RADIL: variants seen among roughly 807,000 people sequenced by gnomAD.
The protein encoded by RADIL is ras-associating and dilute domain-containing protein.
A neutral mutation model predicts 97.6 loss-of-function variants in RADIL; 99 were observed. That is an observed-to-expected ratio of 1.01 (90% CI 0.86 to 1.20). The LOEUF (loss-of-function observed/expected upper bound fraction) is 1.20. Ranked by LOEUF, RADIL falls within the 50% of genes most tolerant of loss-of-function variation. The pLI is 0.00. For synonymous variants in RADIL, 803 were observed against 691.8 expected (o/e 1.16, Z -2.52); for missense variants, 1,765 against 1,498.9 (o/e 1.18, Z -2.93).
rs1367883310 is a variant in RADIL, at chr7:4,805,725, CAAG to C, written c.2140-12_2140-10del. 10 of 1,602,610 alleles carry C rather than the reference CAAG, an allele frequency of 6.2e-6. No homozygotes were observed. The Admixed American group carries it at 8.4e-5, about 13-fold the overall frequency. ...AGGGCTGTCCAGCTCATCTGGGTGA[CAAG>C]AAGGAGCTCATGGTCACAGGTCTCT... On this transcript the variant is annotated splice_polypyrimidine_tract_variant and intron_variant, in intron 9 of 14. Transcript: ENST00000399583.
chr7:4,799,269 C>T lies in RADIL; in HGVS notation c.*109G>A, dbSNP rs1781995028. The T allele has an allele frequency of 1.9e-6, 2 of 1,051,184 alleles. No individual in the cohort carries two copies. The highest frequency in any genetic ancestry group is 4.1e-5 in the Admixed American group (2 of 48,526). The allele number at this position is 1,051,184 out of a possible 1,614,324, so 65.1% of individuals were successfully genotyped here. ...CATGTCCCCAGGGTGAGGCTCCCCA[C>T]CCGGGACCCAACTTGGTCAGTTACA... On this transcript the variant is annotated 3_prime_UTR_variant, in exon 15 of 15. Transcript: ENST00000399583.
At chr7:4,861,851 G>GCGACCTTCACGTCCCCCACCACCT in intron 2 of RADIL, 5 of 1,352,476 alleles carry the variant, frequency 3.7e-6, no homozygotes, top group Non-Finnish European at 3.9e-6. Flanking sequence ...CCCCACCACC[G>GCGACCTTCACGTCCCCCACCACCT]CGACCTTCGC....
At chr7:4,860,259 C>A (rs755216199) in intron 2 of RADIL, 5 of 1,613,982 alleles carry the variant, frequency 3.1e-6, no homozygotes, top group Non-Finnish European at 4.2e-6. Flanking sequence ...TCGTTCAAAT[C>A]TGTCAATCTT....
rs1191794426 is a variant in RADIL at position 4,798,944 on chromosome 7, G to A, written c.*434C>T. The A allele has an allele frequency of 2.6e-5, 5 of 189,548 alleles. No homozygotes were observed. Among genetic ancestry groups the A allele is most frequent in the Admixed American group, 5.5e-5 (1 of 18,318 alleles). 11.7% of individuals were successfully genotyped at this position (189,548 alleles called of 1,614,324 possible). A position where few individuals can be genotyped will look rare whatever the true frequency, so the allele number is the denominator to read the frequency against. On this transcript the variant is annotated 3_prime_UTR_variant, in exon 15 of 15. Coordinates refer to ENST00000399583, the MANE Select transcript of RADIL (RefSeq NM_018059.5). ...GCTTCCTGCAGTGCCCTGTGTCTGG[G>A]TGGGACGGGGGCAGGGAGAGTCAGT...
Position 4,831,199 on chromosome 7 carries a change from G to GAA in RADIL, c.1454+940_1454+941dup, listed in dbSNP as rs1554262870. ...AGAGCGAAACCCCATCTCAAAAAAA[G>GAA]AAAAAAAAAAAAAAGCACGAGATCA... On this transcript the variant is annotated intron_variant, in intron 5 of 14. Transcript: ENST00000399583. Among the ~76,000 whole-genome samples the GAA allele has an allele frequency of 5.9e-4, 70 of 119,482 alleles. No homozygotes were observed. The East Asian group carries it at 8.6e-3, about 15-fold the overall frequency. 78.4% of individuals were successfully genotyped at this position (119,482 alleles called of 152,430 possible).
At chr7:4,862,042 G>C in intron 2 of RADIL, 1 of 394,354 alleles carries the variant, frequency 2.5e-6, no homozygotes, top group South Asian at 1.4e-4. Flanking sequence ...CCGTACACGC[G>C]CGGGCGCCTG....
Position 4,817,701 on chromosome 7 carries a change from C to G in RADIL, c.1616-350G>C, listed in dbSNP as rs576901041. ...CCAACATAGCAGGTCCTAACTGCCTCCCCACAGGTCACCTCTCACTCGCGA... is the reference window on the plus strand; with the variant it reads ...CCAACATAGCAGGTCCTAACTGCCTGCCCACAGGTCACCTCTCACTCGCGA... On this transcript the variant is annotated intron_variant, in intron 6 of 14. Transcript: ENST00000399583. The surrounding 1 kb of genome is among the most constrained non-coding windows in gnomAD (Gnocchi z 8.3). Among the ~76,000 whole-genome samples the G allele has an allele frequency of 2.6e-5, 4 of 152,324 alleles. No homozygotes were observed. In the East Asian group the frequency reaches 7.7e-4, roughly 29 times the overall value.
chr7:4,867,289 G>A lies in RADIL; in HGVS notation c.535+10316C>T, dbSNP rs769821920. Among the ~76,000 whole-genome samples the A allele has an allele frequency of 3.9e-5, 6 of 152,240 alleles. No homozygotes were observed. Among genetic ancestry groups the A allele is most frequent in the African/African-American group, 7.2e-5 (3 of 41,554 alleles). On this transcript the variant is annotated intron_variant, in intron 2 of 14. Coordinates refer to ENST00000399583, the MANE Select transcript of RADIL (RefSeq NM_018059.5). This position sits in a 1 kb window ranked among gnomAD's most constrained non-coding sequence, Gnocchi z 4.1. ...ATATGCTCTGTAATCCAGCAGCTCC[G>A]TTCCTGGAAGAATGCCTCCGAGAAC... is the stretch of plus-strand genomic sequence containing the variant.
chr7:4,809,017 C>G, intron 9 of RADIL: 1 of 499,772 alleles, frequency 2.0e-6, no homozygotes, highest in Non-Finnish European at 2.4e-6. Context: ...GACGCCACTG[C>G]CCCCCCTTGT....
Position 4,836,403 on chromosome 7 carries a change from G to T in RADIL, c.738C>A (p.Tyr246Ter). The T allele has an allele frequency of 6.3e-7, 1 of 1,578,772 alleles. No homozygotes were observed. Among genetic ancestry groups the T allele is most frequent in the Non-Finnish European group, 8.6e-7 (1 of 1,162,418 alleles). The change falls in exon 3 of 15, where the codon TAC becomes TAA. Residue 246 changes from tyrosine (Y) to a stop codon, truncating the protein, a stop_gained. Transcript: ENST00000399583. LOFTEE classifies it high-confidence loss of function. ...GCAGAAGGAGCAGATGCGGGGACTG[G>T]TACAGCGAGTACCGCATGGCGTCGG... ...PGPDAMRYSLYQSPHLLLLQG... is the reference protein window; with the variant it reads ...PGPDAMRYSL
chr7:4,816,389 G>A lies in RADIL; in HGVS notation c.1805C>T (p.Ala602Val), dbSNP rs778873882. The A allele has an allele frequency of 9.9e-6, 16 of 1,609,482 alleles. No individual in the cohort carries two copies. In the East Asian group the frequency reaches 1.6e-4, roughly 16 times the overall value. Reference protein sequence around the residue: ...QTERRESWSSAPELPEELRRV... With the variant: ...QTERRESWSSVPELPEELRRV... ...GCGCAGCTCCTCGGGCAGTTCGGGG[G>A]CCGAGGACCAGCTCTCACGGCGCTC... Residue 602 changes from alanine (A) to valine (V), a missense_variant, in exon 8 of 15, where the codon GCC (alanine) becomes GTC (valine). Transcript: ENST00000399583.
rs1784431834 is a variant in RADIL, at chr7:4,879,108, G to A, written c.-64-905C>T. Among the ~76,000 whole-genome samples, 7 of 152,212 alleles carry A rather than the reference G, an allele frequency of 4.6e-5. No individual in the cohort carries two copies. In the South Asian group the frequency reaches 1.4e-3, roughly 31 times the overall value. On this transcript the variant is annotated intron_variant, in intron 1 of 14. Transcript: ENST00000399583. This position sits in a 1 kb window ranked among gnomAD's most constrained non-coding sequence, Gnocchi z 4.1. ...CCTCGCAAGCACGGCGGGCACAAAG[G>A]GCCCCTCTCGAGCCGGTGCAGGCAT...
chr7:4,865,899 T>C (rs969796716), intron 2 of RADIL: 8 of 629,732 alleles, frequency 1.3e-5, no homozygotes, highest in Admixed American at 7.5e-5. Context: ...TCTAATTACC[T>C]TTAGCATTCA....
At chr7:4,851,910 G>A (rs1289183603) in intron 2 of RADIL, among the ~76,000 whole-genome samples, 2 of 152,194 alleles carry the variant, frequency 1.3e-5, no homozygotes, top group Non-Finnish European at 2.9e-5. Context: ...AAGACCAAAA[G>A]GTCAGGGTAC....
rs762964372 is a variant in RADIL, at chr7:4,836,503, C to T, written c.638G>A (p.Arg213His). Residue 213 changes from arginine to histidine, a missense_variant, in exon 3 of 15, where the codon CGC becomes CAC. Transcript: ENST00000399583. ...ARSSPPPRLR[R>H]TVSETSLSPV... ...GCTCAGGCTGGTCTCACTGACTGTGCGGCGCAACCGGGGTGGAGGAGAGCT... is the reference window on the plus strand; with the variant it reads ...GCTCAGGCTGGTCTCACTGACTGTGTGGCGCAACCGGGGTGGAGGAGAGCT... The T allele has an allele frequency of 2.2e-5, 36 of 1,605,954 alleles. No individual in the cohort carries two copies. Among genetic ancestry groups the T allele is most frequent in the Admixed American group, 3.4e-5 (2 of 59,056 alleles).
At position 4,834,929 on chromosome 7, in the gene RADIL, G is replaced by A; in HGVS notation, c.1094C>T (p.Pro365Leu). ...FKDPAQAQPL[P>L]ARALARLRAV... Reference sequence around the variant, plus strand: ...CCGGAGGCGCGCCAAGGCCCGGGCGGGCAGGGGCTGGGCCTGCGCGGGGTC... The same window carrying A: ...CCGGAGGCGCGCCAAGGCCCGGGCGAGCAGGGGCTGGGCCTGCGCGGGGTC... The change falls in exon 4 of 15, where the codon CCC becomes CTC. Residue 365 changes from proline to leucine, a missense_variant. Physicochemically the swap from Pro to Leu is moderately conservative, Grantham distance 98 (BLOSUM62 -3). Coordinates refer to ENST00000399583, the MANE Select transcript of RADIL (RefSeq NM_018059.5). This position sits in a 1 kb window ranked among gnomAD's most constrained non-coding sequence, Gnocchi z 6.0. 1.3e-6 allele frequency: 2 copies of A among 1,582,178 alleles called. No homozygotes were observed. Among genetic ancestry groups the A allele is most frequent in the South Asian group, 2.3e-5 (2 of 87,450 alleles).
intron 2 of RADIL, among the ~76,000 whole-genome samples, chr7:4,850,676 T>C (rs954538807): frequency 1.3e-5 from 2 of 152,042 alleles, no homozygotes; most frequent in African/African-American, 4.8e-5. Context: ...AGGGGAGAGA[T>C]GCAGAGACTT....
chr7:4,800,322 C>T lies in RADIL; in HGVS notation c.2843-12G>A. ...GGCTGCAGAGTCTCCTGGGTGGGGG[C>T]CAGGAAAGGTGGGTGGGAGTGAGGC... On this transcript the variant is annotated splice_polypyrimidine_tract_variant and intron_variant, in intron 12 of 14. Coordinates refer to ENST00000399583, the MANE Select transcript of RADIL (RefSeq NM_018059.5). 3 of 1,434,280 alleles carry T rather than the reference C, an allele frequency of 2.1e-6. No individual in the cohort carries two copies. Among genetic ancestry groups the T allele is most frequent in the East Asian group, 2.8e-5 (1 of 35,794 alleles). The allele number at this position is 1,434,280 out of a possible 1,614,324, so 88.8% of individuals were successfully genotyped here. A position where few individuals can be genotyped will look rare whatever the true frequency, so the allele number is the denominator to read the frequency against.
Position 4,835,030 on chromosome 7 carries a change from C to T in RADIL, c.993G>A (p.Glu331=). Residue 331 remains glutamate, a synonymous_variant, in exon 4 of 15, where the codon GAG becomes GAA. Coordinates refer to ENST00000399583, the MANE Select transcript of RADIL (RefSeq NM_018059.5). The surrounding 1 kb of genome is among the most constrained non-coding windows in gnomAD (Gnocchi z 5.8). ...PGAHISVNFS[E]VGHRTVVLHH... is the part of the protein sequence containing the mutation. ...GCAGCACCACGGTCCTGTGCCCCACCTCGGAGAAGTTGACGGAGATGTGCG... is the reference window on the plus strand; with the variant it reads ...GCAGCACCACGGTCCTGTGCCCCACTTCGGAGAAGTTGACGGAGATGTGCG... 6.2e-7 allele frequency: 1 copy of T among 1,610,862 alleles called. No individual in the cohort carries two copies. The highest frequency in any genetic ancestry group is 8.5e-7 in the Non-Finnish European group (1 of 1,179,042).
Sources: allele counts gnomAD v4.1 joint callset (sites outside exome capture counted in the v4.1 genomes callset), GRCh38; gene constraint gnomAD v4.1.1; non-coding constraint Gnocchi (gnomAD v3.1); transcripts MANE v1.5; gene names NCBI Gene and HGNC (gene_info 2026-07-23, HGNC 2026-07-21).